Variants in CNTNAP2 observed in about 807,000 individuals in gnomAD.
The protein encoded by CNTNAP2 is contactin-associated protein-like 2.
CNTNAP2 carries 98 observed loss-of-function variants against 155.2 expected under a neutral mutation model. That is an observed-to-expected ratio of 0.63 (90% CI 0.54 to 0.75). CNTNAP2 has a LOEUF of 0.75. Among genes scored for constraint, CNTNAP2 ranks in the 30% least tolerant of loss-of-function variants. The pLI, the probability that CNTNAP2 is intolerant of heterozygous loss-of-function variation, is 0.00. For missense variants in CNTNAP2, 1,727 were observed against 1,688.1 expected, an observed-to-expected ratio of 1.02 and a Z score of -0.40; for synonymous variants, 651 against 631.2, an observed-to-expected ratio of 1.03 and a Z score of -0.47.
intron 12 of CNTNAP2, among the ~76,000 whole-genome samples, chr7:147,626,782 C>T (rs887192349): frequency 3.9e-5 from 6 of 152,174 alleles, no homozygotes; most frequent in Admixed American, 3.9e-4. Flanking sequence ...CACCTAATTC[C>T]ACTGCCTACA....
intron 1 of CNTNAP2, among the ~76,000 whole-genome samples, chr7:146,387,103 G>C (rs940554763): frequency 2.0e-5 from 3 of 152,300 alleles, no homozygotes; most frequent in Non-Finnish European, 4.4e-5. Flanking sequence ...AACAGAATTT[G>C]AGGAAAACAT....
Position 147,627,808 on chromosome 7 carries a change from A to T in CNTNAP2, c.1898-11298A>T, listed in dbSNP as rs531167656. On this transcript the variant is annotated intron_variant, in intron 12 of 23. Transcript: ENST00000361727. ...CAATCACAACTTTTGGAAATGAAAG[A>T]CACACTTACGGAAATACAAAAAGTG... Among the ~76,000 whole-genome samples, 3 of 151,938 alleles carry T rather than the reference A, an allele frequency of 2.0e-5. No homozygotes were observed. In the South Asian group the frequency reaches 6.2e-4, roughly 32 times the overall value.
chr7:148,359,102 T>C (rs10952754), intron 21 of CNTNAP2, among the ~76,000 whole-genome samples: 50,238 of 152,166 alleles, frequency 0.33, 9,943 homozygotes, highest in East Asian at 0.64. Context: ...AATACTACCA[T>C]TGCGTTACAA....
intron 1 of CNTNAP2, among the ~76,000 whole-genome samples, chr7:146,128,822 G>A (rs1289725788): frequency 6.6e-6 from 1 of 151,968 alleles, no homozygotes; most frequent in African/African-American, 2.4e-5. Context: ...TATTATAATT[G>A]TAATATAATG....
intron 20 of CNTNAP2, among the ~76,000 whole-genome samples, chr7:148,254,899 G>A (rs779457581): frequency 2.6e-5 from 4 of 151,356 alleles, no homozygotes; most frequent in African/African-American, 4.9e-5. Context: ...CCTTTTCCAC[G>A]CATTTGTTTG....
intron 1 of CNTNAP2, among the ~76,000 whole-genome samples, chr7:146,452,203 G>C (rs760318728): frequency 6.6e-6 from 1 of 151,794 alleles, no homozygotes; most frequent in African/African-American, 2.4e-5. Context: ...CACTGCGCCC[G>C]GCCTCTTCTA....
intron 10 of CNTNAP2, among the ~76,000 whole-genome samples, chr7:147,452,609 T>G (rs920757102): frequency 1.3e-5 from 2 of 152,212 alleles, no homozygotes; most frequent in Non-Finnish European, 2.9e-5. Flanking sequence ...AAGAAGTTCA[T>G]GCTAAATTTT....
intron 13 of CNTNAP2, among the ~76,000 whole-genome samples, chr7:147,815,994 G>A (rs1203069885): frequency 1.3e-5 from 2 of 152,212 alleles, no homozygotes; most frequent in Non-Finnish European, 2.9e-5. Flanking sequence ...TCTGGCTGCT[G>A]TGTTAATAAG....
chr7:147,630,453 A>T (rs1047870399), intron 12 of CNTNAP2, among the ~76,000 whole-genome samples: 2 of 152,134 alleles, frequency 1.3e-5, no homozygotes, highest in Non-Finnish European at 2.9e-5. Flanking sequence ...GAAGGAGGGA[A>T]TTCTCCCTAA....
chr7:146,973,606 G>A (rs980474255), intron 3 of CNTNAP2, among the ~76,000 whole-genome samples: 22 of 152,094 alleles, frequency 1.4e-4, no homozygotes, highest in African/African-American at 5.3e-4. Context: ...ATACCATCAT[G>A]AGACATATTC....
intron 3 of CNTNAP2, among the ~76,000 whole-genome samples, chr7:146,850,796 A>G (rs1421955295): frequency 6.6e-6 from 1 of 152,098 alleles, no homozygotes; most frequent in Non-Finnish European, 1.5e-5. Context: ...AAATAAAAAA[A>G]ACTAAACTAA....
chr7:147,171,049 G>A lies in CNTNAP2; in HGVS notation c.1348+38540G>A, dbSNP rs572304740. Among the ~76,000 whole-genome samples the A allele has an allele frequency of 4.6e-5, 7 of 152,218 alleles. No individual in the cohort carries two copies. The South Asian group carries it at 1.2e-3, about 27-fold the overall frequency. ...CCAGCTCCATGTCTGCTGAATCCCC[G>A]CCTCTATCAAATCTCCCAGGAGATG... On this transcript the variant is annotated intron_variant, in intron 8 of 23. Coordinates refer to ENST00000361727, the MANE Select transcript of CNTNAP2 (RefSeq NM_014141.6).
intron 3 of CNTNAP2, among the ~76,000 whole-genome samples, chr7:146,986,011 T>G (rs1798109192): frequency 6.6e-6 from 1 of 152,184 alleles, no homozygotes; most frequent in African/African-American, 2.4e-5. Context: ...TTAATTTTTT[T>G]TATTTCCATA....
At chr7:147,388,009 A>G (rs1214997859) in intron 9 of CNTNAP2, among the ~76,000 whole-genome samples, 3 of 151,872 alleles carry the variant, frequency 2.0e-5, no homozygotes, top group African/African-American at 7.3e-5. Flanking sequence ...CTATTGGAGG[A>G]GCTTTCTATT....
chr7:148,329,997 C>T (rs1797957197), intron 21 of CNTNAP2, among the ~76,000 whole-genome samples: 1 of 152,158 alleles, frequency 6.6e-6, no homozygotes, highest in African/African-American at 2.4e-5. Context: ...GCATGCCTGC[C>T]CCACAAAGCT....
intron 1 of CNTNAP2, among the ~76,000 whole-genome samples, chr7:146,260,836 G>C (rs1799908701): frequency 6.6e-6 from 1 of 152,194 alleles, no homozygotes; most frequent in South Asian, 2.1e-4. Flanking sequence ...GGACTGTTGA[G>C]AAGGCATGAC....
chr7:147,600,270 C>T (rs970515317), intron 12 of CNTNAP2, among the ~76,000 whole-genome samples: 1 of 152,136 alleles, frequency 6.6e-6, no homozygotes, highest in Non-Finnish European at 1.5e-5. Flanking sequence ...TTTTCTTCCT[C>T]TTTTTGCTTT....
intron 1 of CNTNAP2, among the ~76,000 whole-genome samples, chr7:146,236,705 G>T (rs764613846): frequency 6.6e-6 from 1 of 151,984 alleles, no homozygotes; most frequent in Non-Finnish European, 1.5e-5. Flanking sequence ...TTCTTCTCCA[G>T]GGAACTGGGG....
intron 7 of CNTNAP2, among the ~76,000 whole-genome samples, chr7:147,131,306 A>G (rs1801353727): frequency 6.6e-6 from 1 of 151,824 alleles, no homozygotes; most frequent in Admixed American, 6.6e-5. Flanking sequence ...AGAGACAGAC[A>G]TAGAGATAGA....
Sources: gnomAD v4.1 joint callset for allele counts (sites outside exome capture counted in the v4.1 genomes callset) on GRCh38, gnomAD v4.1.1 for gene constraint, MANE v1.5 for transcripts, NCBI Gene and HGNC (gene_info 2026-07-23, HGNC 2026-07-21) for gene names.